Variants in NLGN1 observed in about 807,000 individuals in gnomAD.
NLGN1 encodes the protein neuroligin-1.
In NLGN1, 12 loss-of-function variants were observed where a neutral mutation model predicts 65.5. The ratio of observed to expected loss-of-function variants is 0.18; its 90% CI spans 0.12 to 0.30. NLGN1 has a LOEUF of 0.30. NLGN1 is among the 10% of genes least tolerant of loss of function. The probability of loss-of-function intolerance (pLI) is 1.00; values close to 1 mark genes in which losing one functional copy is unlikely to be tolerated. For missense variants in NLGN1, 750 were observed against 1,007.1 expected (o/e 0.74, Z 3.46); for synonymous variants, 350 against 359.5 (o/e 0.97, Z 0.30).
chr3:174,147,058 G>T (rs1052114113), intron 4 of NLGN1, among the ~76,000 whole-genome samples: 1 of 152,100 alleles, frequency 6.6e-6, no homozygotes, highest in African/African-American at 2.4e-5. Flanking sequence ...ATGGTTTATC[G>T]GTATGTAGAT....
At chr3:173,701,335 C>T (rs1037581037) in intron 3 of NLGN1, among the ~76,000 whole-genome samples, 1 of 152,036 alleles carries the variant, frequency 6.6e-6, no homozygotes, top group East Asian at 1.9e-4. Flanking sequence ...AGTGTAGTCA[C>T]AGGAATCCTT....
intron 4 of NLGN1, among the ~76,000 whole-genome samples, chr3:173,942,195 G>T (rs1045352622): frequency 1.7e-4 from 26 of 151,690 alleles, no homozygotes; most frequent in African/African-American, 6.0e-4. Flanking sequence ...ATATACACAT[G>T]TGCATATATA....
At chr3:174,266,356 G>A (rs1482843158) in intron 4 of NLGN1, among the ~76,000 whole-genome samples, 2 of 152,110 alleles carry the variant, frequency 1.3e-5, no homozygotes, top group Non-Finnish European at 2.9e-5. Flanking sequence ...ATGGCTTCAA[G>A]CTCCATCCAC....
At chr3:173,475,529 A>G (rs889262630) in intron 2 of NLGN1, among the ~76,000 whole-genome samples, 8 of 152,180 alleles carry the variant, frequency 5.3e-5, no homozygotes, top group Admixed American at 2.6e-4. Context: ...TCAGCATCTT[A>G]TATGGTTTGC....
chr3:174,016,069 G>A (rs969881003), intron 4 of NLGN1, among the ~76,000 whole-genome samples: 2 of 152,160 alleles, frequency 1.3e-5, no homozygotes, highest in Non-Finnish European at 1.5e-5. Flanking sequence ...AGAAATTAGA[G>A]TAGATAGTAT....
intron 4 of NLGN1, among the ~76,000 whole-genome samples, chr3:174,005,779 G>T (rs1724239424): frequency 6.6e-6 from 1 of 151,808 alleles, no homozygotes; most frequent in Non-Finnish European, 1.5e-5. Context: ...TGAGTGAGGT[G>T]CCTGGGGTCT....
intron 3 of NLGN1, among the ~76,000 whole-genome samples, chr3:173,721,219 A>G (rs970873898): frequency 1.5e-4 from 23 of 152,252 alleles, no homozygotes; most frequent in Non-Finnish European, 3.4e-4. Context: ...ATTTTACATT[A>G]TGGCTCCAGT....
intron 2 of NLGN1, among the ~76,000 whole-genome samples, chr3:173,479,354 G>A (rs1726842353): frequency 6.6e-6 from 1 of 152,122 alleles, no homozygotes; most frequent in African/African-American, 2.4e-5. Flanking sequence ...AGAATCCCAA[G>A]CCAGAATATA....
chr3:174,148,744 AT>A (rs1204254109), intron 4 of NLGN1, among the ~76,000 whole-genome samples: 2 of 151,962 alleles, frequency 1.3e-5, no homozygotes, highest in African/African-American at 4.8e-5. Context: ...TATTTGTGTG[AT>A]TTCTTTCCTT....
chr3:173,951,170 TATTA>T (rs1435368490), intron 4 of NLGN1, among the ~76,000 whole-genome samples: 1 of 152,020 alleles, frequency 6.6e-6, no homozygotes, highest in Non-Finnish European at 1.5e-5. Flanking sequence ...TCTGGCCTGT[TATTA>T]ATTATACAAA....
At chr3:174,082,205 G>C (rs569520748) in intron 4 of NLGN1, among the ~76,000 whole-genome samples, 1 of 152,250 alleles carries the variant, frequency 6.6e-6, no homozygotes, top group South Asian at 2.1e-4. Context: ...AGGATTCTCT[G>C]TTGAGGCAAA....
chr3:173,801,873 A>G (rs1163190203), intron 3 of NLGN1, among the ~76,000 whole-genome samples: 1 of 152,136 alleles, frequency 6.6e-6, no homozygotes, highest in African/African-American at 2.4e-5. Context: ...AATTTGATGC[A>G]TTCAAACATT....
At chr3:173,470,481 C>T (rs144311337) in intron 2 of NLGN1, among the ~76,000 whole-genome samples, 9 of 152,138 alleles carry the variant, frequency 5.9e-5, no homozygotes, top group East Asian at 1.9e-4. Context: ...ACACACGTAG[C>T]GCTTGTAGCA....
intron 3 of NLGN1, among the ~76,000 whole-genome samples, chr3:173,768,797 G>T (rs1779147826): frequency 6.6e-6 from 1 of 152,026 alleles, no homozygotes; most frequent in Non-Finnish European, 1.5e-5. Context: ...GCTGAGACAG[G>T]GTCTTGCTCT....
chr3:173,715,750 C>T (rs2149973411), intron 3 of NLGN1, among the ~76,000 whole-genome samples: 1 of 152,118 alleles, frequency 6.6e-6, no homozygotes, highest in South Asian at 2.1e-4. Flanking sequence ...TCTGGTTTCG[C>T]AGATAGTTCA....
chr3:174,057,301 G>T (rs1035041839), intron 4 of NLGN1, among the ~76,000 whole-genome samples: 1 of 151,994 alleles, frequency 6.6e-6, no homozygotes, highest in Non-Finnish European at 1.5e-5. Flanking sequence ...CTAGATGTGT[G>T]AATGCTACTG....
chr3:173,627,331 A>G (rs902738151), intron 3 of NLGN1, among the ~76,000 whole-genome samples: 1 of 152,016 alleles, frequency 6.6e-6, no homozygotes, highest in African/African-American at 2.4e-5. Context: ...TGCTTATTTA[A>G]CTTAGTATAA....
intron 4 of NLGN1, among the ~76,000 whole-genome samples, chr3:173,983,097 T>C (rs1273353598): frequency 1.3e-5 from 2 of 152,172 alleles, no homozygotes; most frequent in Non-Finnish European, 2.9e-5. Flanking sequence ...TTCGAGTTCT[T>C]CTGTTTTTTC....
intron 4 of NLGN1, among the ~76,000 whole-genome samples, chr3:174,157,907 C>A (rs535539187): frequency 1.2e-4 from 18 of 151,852 alleles, no homozygotes; most frequent in Admixed American, 5.3e-4. Flanking sequence ...CACTATTTTT[C>A]TTTAATACTT....
Sources: gnomAD v4.1 joint callset for allele counts (sites outside exome capture counted in the v4.1 genomes callset) on GRCh38, gnomAD v4.1.1 for gene constraint, MANE v1.5 for transcripts, NCBI Gene and HGNC (gene_info 2026-07-23, HGNC 2026-07-21) for gene names.